The following NEB variants were observed in gnomAD, a reference collection of about 807,000 sequenced individuals.
NEB encodes the protein nebulin.
A neutral mutation model predicts 952.2 loss-of-function variants in NEB; 512 were observed. The observed-to-expected ratio is 0.54, with a 90% CI of 0.50 to 0.58. The LOEUF (loss-of-function observed/expected upper bound fraction) is 0.58, where lower values mean the gene tolerates loss of function less well. Among genes scored for constraint, NEB ranks in the 20% least tolerant of loss-of-function variants. NEB has a pLI of 0.00. For missense variants in NEB, 8,428 were observed against 9,231.1 expected (o/e 0.91, Z 3.56); for synonymous variants, 2,900 against 3,149.8 (o/e 0.92, Z 2.66).
rs1199937364 is a variant in NEB at position 151,669,038 on chromosome 2, T to A, written c.4600A>T (p.Asn1534Tyr). ...QFIQAKVNAL[N>Y]MSDAHYKADW... ...GGCCAAATACTCACATCACTCATGT[T>A]GAGGGCGTTGACTTTGGCTTGAATA... Residue 1534 changes from asparagine to tyrosine, a missense_variant, in exon 39 of 182, where the codon AAC (asparagine) becomes TAC (tyrosine). Coordinates refer to ENST00000397345, the MANE Select transcript of NEB (RefSeq NM_001164508.2). The A allele has an allele frequency of 3.8e-6, 6 of 1,590,132 alleles. No individual in the cohort carries two copies. The highest frequency in any genetic ancestry group is 5.1e-6 in the Non-Finnish European group (6 of 1,165,778).
Position 151,691,983 on chromosome 2 carries a change from A to C in NEB, c.2107-15T>G, listed in dbSNP as rs1422662806. 6.2e-7 allele frequency: 1 copy of C among 1,610,014 alleles called. No homozygotes were observed. Among genetic ancestry groups the C allele is most frequent in the African/African-American group, 1.3e-5 (1 of 74,812 alleles). On this transcript the variant is annotated splice_polypyrimidine_tract_variant and intron_variant, in intron 22 of 181. Coordinates refer to ENST00000397345, the MANE Select transcript of NEB (RefSeq NM_001164508.2). ...TTGTAACTTTTCTATAATGAGAAAA[A>C]CCAAAAATAGATCATGATTGTTATG... is the stretch of plus-strand genomic sequence containing the variant.
intron 135 of NEB, among the ~76,000 whole-genome samples, chr2:151,543,175 T>C (rs896292235): frequency 9.9e-5 from 15 of 152,112 alleles, no homozygotes; most frequent in African/African-American, 3.1e-4. Context: ...ACAAAGGGCC[T>C]AAAAAATAAT....
intron 44 of NEB, among the ~76,000 whole-genome samples, chr2:151,664,188 T>A (rs1397435889): frequency 1.3e-5 from 2 of 152,214 alleles, no homozygotes; most frequent in Non-Finnish European, 2.9e-5. Flanking sequence ...GGTGCATCTT[T>A]AAAGAGAGGG....
At chr2:151,681,262 C>T (rs948788420) in intron 29 of NEB, among the ~76,000 whole-genome samples, 4 of 152,118 alleles carry the variant, frequency 2.6e-5, no homozygotes, top group South Asian at 2.1e-4. Context: ...AGAAGCTGTC[C>T]GGTTGAGGAA....
Position 151,581,646 on chromosome 2 carries a change from A to G in NEB, c.16180-59T>C, listed in dbSNP as rs550272381. On this transcript the variant is annotated intron_variant, in intron 102 of 181. Transcript: ENST00000397345. ...TAGTAAATAAGTCAATTACCACATA[A>G]ATAAAATTATAAAGTCATAAAACAT... is the stretch of plus-strand genomic sequence containing the variant. The G allele has an allele frequency of 3.0e-5, 44 of 1,456,200 alleles. No homozygotes were observed. The Admixed American group carries it at 5.8e-4, about 19-fold the overall frequency. 90.2% of individuals were successfully genotyped at this position (1,456,200 alleles called of 1,614,324 possible). A position where few individuals can be genotyped will look rare whatever the true frequency, so the allele number is the denominator to read the frequency against.
Position 151,721,864 on chromosome 2 carries a change from T to A in NEB, c.717+1518A>T, listed in dbSNP as rs960988761. On this transcript the variant is annotated intron_variant, in intron 9 of 181. Coordinates refer to ENST00000397345, the MANE Select transcript of NEB (RefSeq NM_001164508.2). The stretch of plus-strand genomic sequence containing the variant: ...AAATTGGTATCATGTGCTAGATGAC[T>A]TCAAAATTTTGTTACACCTTCTCTA... 3.0e-4 allele frequency among the ~76,000 whole-genome samples: 45 copies of A among 152,222 alleles called. 1 individual carries two copies. The highest frequency in any genetic ancestry group is 7.3e-5 in the Non-Finnish European group (5 of 68,036).
At position 151,659,135 on chromosome 2, in the gene NEB, G is replaced by A. The variant is rs753828954; in HGVS notation, c.6005C>T (p.Thr2002Ile). ...GATATCAGGCATGATGTGGACTTTG[G>A]TTTTGTCAGCCTCCCATGCTTGTTT... ...LYKQAWEADKTKVHIMPDIPQ... is the reference protein window; with the variant it reads ...LYKQAWEADKIKVHIMPDIPQ... The change falls in exon 47 of 182, where the codon ACC (threonine) becomes ATC (isoleucine). Residue 2002 changes from threonine to isoleucine, a missense_variant. By Grantham distance (89) the Thr-to-Ile change is moderately conservative. Transcript: ENST00000397345. 6.2e-7 allele frequency: 1 copy of A among 1,612,912 alleles called. No individual in the cohort carries two copies. Among genetic ancestry groups the A allele is most frequent in the Non-Finnish European group, 8.5e-7 (1 of 1,179,128 alleles).
At chr2:151,686,501 A>G (rs991694573) in intron 27 of NEB, among the ~76,000 whole-genome samples, 3 of 152,236 alleles carry the variant, frequency 2.0e-5, no homozygotes, top group African/African-American at 7.2e-5. Flanking sequence ...CAAGATAGTA[A>G]TATAAGTGAG....
In NEB at chr2:151,565,785, G is replaced by T. The variant is rs759307541; in HGVS notation, c.18192C>A (p.Gly6064=). ...CAGAATCCAGTGGGATCCAGCCAAT[G>T]CCTCGGAGCCACTCCAGGTCAGCTC... ...VYRADLEWLR[G]IGWIPLDSVD... is the part of the protein sequence containing the mutation. Residue 6064 remains glycine, a synonymous_variant, in exon 115 of 182, where the codon GGC becomes GGA. Transcript: ENST00000397345. The T allele has an allele frequency of 6.2e-7, 1 of 1,611,988 alleles. No homozygotes were observed. Among genetic ancestry groups the T allele is most frequent in the Non-Finnish European group, 8.5e-7 (1 of 1,179,042 alleles).
rs372819467 is a variant in NEB, at chr2:151,568,611, T to C, written c.17634+7A>G. The C allele has an allele frequency of 3.8e-6, 6 of 1,595,606 alleles. No homozygotes were observed. The highest frequency in any genetic ancestry group is 4.3e-6 in the Non-Finnish European group (5 of 1,168,048). On this transcript the variant is annotated splice_region_variant and intron_variant, in intron 111 of 181. Coordinates refer to ENST00000397345, the MANE Select transcript of NEB (RefSeq NM_001164508.2). ...ACTGTGAGATTTTAAAACAGCCATA[T>C]ACTTACATCATCGAGGATCTCGCCA...
rs2094879858 is a variant in NEB at position 151,547,626 on chromosome 2, A to G, written c.20262+8T>C. On this transcript the variant is annotated splice_region_variant and intron_variant, in intron 132 of 181. Transcript: ENST00000397345. Reference sequence around the variant, plus strand: ...TCTACTCCCTGTCTTTCCTAAGAAAATACCCACCTCACTGACAGCCTCTTG... The same window carrying G: ...TCTACTCCCTGTCTTTCCTAAGAAAGTACCCACCTCACTGACAGCCTCTTG... 3 of 1,613,136 alleles carry G rather than the reference A, an allele frequency of 1.9e-6. No individual in the cohort carries two copies. The highest frequency in any genetic ancestry group is 2.5e-6 in the Non-Finnish European group (3 of 1,179,234).
intron 65 of NEB, among the ~76,000 whole-genome samples, chr2:151,633,223 G>A (rs2098703381): frequency 6.6e-6 from 1 of 152,186 alleles, no homozygotes; most frequent in Non-Finnish European, 1.5e-5. Context: ...AAACAGTCCA[G>A]TAGTGTACAG....
chr2:151,705,200 G>T (rs1041508391), intron 13 of NEB, among the ~76,000 whole-genome samples: 6 of 151,970 alleles, frequency 3.9e-5, no homozygotes, highest in Admixed American at 6.6e-5. Context: ...CTGGTACTAA[G>T]AGTTACTACT....
chr2:151,537,044 A>G (rs1257731352), intron 141 of NEB, 88 bp downstream of exon 141: 2 of 759,100 alleles, frequency 2.6e-6, no homozygotes, highest in Non-Finnish European at 4.3e-6. Context: ...AGGGATGGAA[A>G]CATGAAAGAC....
chr2:151,733,232 G>T, intron 2 of NEB, 47 bp from the exon 3 acceptor site: 2 of 1,256,572 alleles, frequency 1.6e-6, no homozygotes, highest in Non-Finnish European at 2.2e-6. Flanking sequence ...TCTATTCCCA[G>T]CACAGAAATT....
intron 157 of NEB, among the ~76,000 whole-genome samples, chr2:151,515,615 C>T (rs1431307744): frequency 6.6e-6 from 1 of 152,204 alleles, no homozygotes; most frequent in Non-Finnish European, 1.5e-5. Context: ...ATCTCCTCTC[C>T]AGTCTCCAGA....
chr2:151,615,037 A>G (rs557688210), intron 76 of NEB, among the ~76,000 whole-genome samples: 3 of 152,302 alleles, frequency 2.0e-5, no homozygotes, highest in East Asian at 3.9e-4. Flanking sequence ...TATGTGTTAC[A>G]TTTAGATAGA....
intron 161 of NEB, among the ~76,000 whole-genome samples, chr2:151,508,853 G>A (rs1239689132): frequency 1.3e-5 from 2 of 152,234 alleles, no homozygotes; most frequent in Admixed American, 6.5e-5. Flanking sequence ...TGCTCTTCCA[G>A]ACACCAGTGG....
At position 151,684,165 on chromosome 2, in the gene NEB, C is replaced by T. The variant is rs116233274; in HGVS notation, c.2835+613G>A. Among the ~76,000 whole-genome samples, 698 of 152,274 alleles carry T rather than the reference C, an allele frequency of 4.6e-3. 7 individuals are homozygous for T. The highest frequency in any genetic ancestry group is 0.016 in the African/African-American group (674 of 41,572). On this transcript the variant is annotated intron_variant, in intron 28 of 181. Coordinates refer to ENST00000397345, the MANE Select transcript of NEB (RefSeq NM_001164508.2). ...TGTACAACAATGTTAATATACTTAACACCACTGAACTGTACACTTGAAAAT... is the reference window on the plus strand; with the variant it reads ...TGTACAACAATGTTAATATACTTAATACCACTGAACTGTACACTTGAAAAT...
Sources: allele counts gnomAD v4.1 joint callset (sites outside exome capture counted in the v4.1 genomes callset), GRCh38; gene constraint gnomAD v4.1.1; transcripts MANE v1.5; gene names NCBI Gene and HGNC (gene_info 2026-07-23, HGNC 2026-07-21).